MICAL3: variants seen among roughly 807,000 people sequenced by gnomAD.
MICAL3 encodes the protein microtubule associated monooxygenase, calponin and LIM domain containing 3.
In MICAL3, 62 loss-of-function variants were observed where a neutral mutation model predicts 207.4. The ratio of observed to expected loss-of-function variants is 0.30; its 90% CI spans 0.24 to 0.37. The LOEUF is 0.37. MICAL3 is among the 10% of genes least tolerant of loss of function. The probability of loss-of-function intolerance (pLI) is 1.00; values close to 1 mark genes in which losing one functional copy is unlikely to be tolerated. For missense variants in MICAL3, 2,368 were observed against 2,635.6 expected, an observed-to-expected ratio of 0.90 and a Z score of 2.22; for synonymous variants, 1,077 against 1,069.3, an observed-to-expected ratio of 1.01 and a Z score of -0.14.
rs372099397 is a variant in MICAL3, at chr22:17,861,733, C to G, written c.2605+3166G>C. 38 of 985,396 alleles carry G rather than the reference C, an allele frequency of 3.9e-5. No homozygotes were observed. The South Asian group carries it at 1.4e-3, about 35-fold the overall frequency. 61.0% of individuals were successfully genotyped at this position (985,396 alleles called of 1,614,324 possible). ...AGTAGTAAGTATAAGCTTGGAAACA[C>G]AGCATTCATAGATTTAAGAACAAAA... On this transcript the variant is annotated intron_variant, in intron 19 of 31. Coordinates refer to ENST00000441493, the MANE Select transcript of MICAL3 (RefSeq NM_015241.3).
At chr22:17,874,566 G>A (rs1487203934) in intron 16 of MICAL3, among the ~76,000 whole-genome samples, 1 of 152,218 alleles carries the variant, frequency 6.6e-6, no homozygotes, top group African/African-American at 2.4e-5. Flanking sequence ...TCAGTTCTCA[G>A]CAAGTTGGCA....
chr22:17,877,533 G>T (rs1928934127), intron 16 of MICAL3, among the ~76,000 whole-genome samples: 1 of 145,324 alleles, frequency 6.9e-6, no homozygotes, highest in Non-Finnish European at 1.5e-5. Flanking sequence ...GGAGGTGAGG[G>T]AGGTTATGGA....
intron 16 of MICAL3, chr22:17,884,169 A>G (rs1426948592): frequency 1.5e-6 from 1 of 649,596 alleles, no homozygotes; most frequent in Non-Finnish European, 2.6e-6. Flanking sequence ...TCCTGCCCTC[A>G]TGAGCTAGGA....
At chr22:17,880,675 G>A (rs981444995) in intron 16 of MICAL3, among the ~76,000 whole-genome samples, 2 of 152,238 alleles carry the variant, frequency 1.3e-5, no homozygotes, top group Non-Finnish European at 2.9e-5. Context: ...GGCCACAGCT[G>A]TGGCTGGCTA....
Position 17,790,807 on chromosome 22 carries a change from C to T in MICAL3, c.5934G>A (p.Arg1978=), listed in dbSNP as rs751191301. ...CCTTGTCCTCCTCTCTCTCCCGGAG[C>T]CGCTGCTCCTCCAGCAGCGCCACCA... The part of the protein sequence containing the change: ...DSLVALLEEQ[R]LREREEDKDL... The change falls in exon 32 of 32, where the codon CGG becomes CGA. Residue 1978 remains arginine (R), a synonymous_variant. Coordinates refer to ENST00000441493, the MANE Select transcript of MICAL3 (RefSeq NM_015241.3). 5 of 1,613,480 alleles carry T rather than the reference C, an allele frequency of 3.1e-6. No individual in the cohort carries two copies. In the Admixed American group the frequency reaches 5.0e-5, roughly 16 times the overall value.
chr22:17,853,686 T>C (rs1233395298), intron 19 of MICAL3, among the ~76,000 whole-genome samples: 1 of 152,238 alleles, frequency 6.6e-6, no homozygotes, highest in Non-Finnish European at 1.5e-5. Context: ...ACAGCAAGCA[T>C]GACAGGTGGC....
At chr22:17,810,271 G>T (rs376843971) in intron 28 of MICAL3, among the ~76,000 whole-genome samples, 10 of 152,102 alleles carry the variant, frequency 6.6e-5, no homozygotes, top group Non-Finnish European at 8.8e-5. Context: ...CACCGTGTTA[G>T]CCAGGATGGT....
intron 20 of MICAL3, among the ~76,000 whole-genome samples, chr22:17,838,161 A>C (rs1271576110): frequency 3.3e-5 from 5 of 152,194 alleles, no homozygotes; most frequent in African/African-American, 1.2e-4. Flanking sequence ...AGAAATTTAG[A>C]AACATTAAAG....
intron 1 of MICAL3, among the ~76,000 whole-genome samples, chr22:17,913,295 C>A (rs941476720): frequency 1.3e-5 from 2 of 152,096 alleles, no homozygotes; most frequent in African/African-American, 4.8e-5. Flanking sequence ...GCGCTATAAC[C>A]CGACCTGGAG....
At chr22:17,884,040 C>A (rs1188544937) in intron 16 of MICAL3, among the ~76,000 whole-genome samples, 1 of 152,212 alleles carries the variant, frequency 6.6e-6, no homozygotes, top group Non-Finnish European at 1.5e-5. Context: ...AGTTTCAAAC[C>A]AAATCAACAG....
chr22:17,878,075 G>A (rs192624633), intron 16 of MICAL3, among the ~76,000 whole-genome samples: 7 of 152,036 alleles, frequency 4.6e-5, no homozygotes, highest in East Asian at 1.9e-4. Flanking sequence ...GGATGGTCTC[G>A]ATCTCCTGAC....
chr22:18,015,739 A>C (rs1353549108), intron 1 of MICAL3, among the ~76,000 whole-genome samples: 1 of 152,054 alleles, frequency 6.6e-6, no homozygotes, highest in Non-Finnish European at 1.5e-5. Flanking sequence ...AGGCACACAG[A>C]TTATTACAGT....
At chr22:17,829,521 A>T (rs1436623384) in intron 21 of MICAL3, among the ~76,000 whole-genome samples, 1 of 152,124 alleles carries the variant, frequency 6.6e-6, no homozygotes, top group African/African-American at 2.4e-5. Flanking sequence ...CAGCAGAGTC[A>T]CCTAACAGCC....
chr22:17,964,284 C>T (rs1287441857), intron 1 of MICAL3, among the ~76,000 whole-genome samples: 1 of 152,196 alleles, frequency 6.6e-6, no homozygotes, highest in Admixed American at 6.5e-5. Flanking sequence ...GCACCAGGCT[C>T]TTCCCTCACA....
At chr22:17,927,644 C>G (rs1386415630) in intron 1 of MICAL3, among the ~76,000 whole-genome samples, 1 of 152,144 alleles carries the variant, frequency 6.6e-6, no homozygotes, top group Admixed American at 6.5e-5. Flanking sequence ...CTTTCCAGCA[C>G]AGTTTCTTTT....
chr22:17,895,484 C>G (rs1930749603), intron 9 of MICAL3, 74 bp from the exon 10 acceptor site: 1 of 1,551,646 alleles, frequency 6.4e-7, no homozygotes, highest in Admixed American at 1.7e-5. Context: ...CATGATTGTT[C>G]TGACAGCGCA....
At chr22:17,856,547 G>A (rs1479629873) in intron 19 of MICAL3, among the ~76,000 whole-genome samples, 3 of 151,668 alleles carry the variant, frequency 2.0e-5, no homozygotes, top group Non-Finnish European at 4.4e-5. Context: ...CTGGCCAAAA[G>A]GAAGGCAGCA....
At chr22:17,811,963 G>A (rs2145993016) in intron 27 of MICAL3, among the ~76,000 whole-genome samples, 1 of 152,184 alleles carries the variant, frequency 6.6e-6, no homozygotes. Context: ...TGCCCAAGCT[G>A]GTCTTAATCT....
intron 1 of MICAL3, among the ~76,000 whole-genome samples, chr22:17,991,333 G>C (rs1921662213): frequency 6.6e-6 from 1 of 152,252 alleles, no homozygotes; most frequent in South Asian, 2.1e-4. Flanking sequence ...ATATCAGACT[G>C]CCTAAAATAT....
Sources: allele counts gnomAD v4.1 joint callset (sites outside exome capture counted in the v4.1 genomes callset), GRCh38; gene constraint gnomAD v4.1.1; transcripts MANE v1.5; gene names NCBI Gene and HGNC (gene_info 2026-07-23, HGNC 2026-07-21).